The following PTPRB variants were observed in gnomAD, a reference collection of about 807,000 sequenced individuals.
PTPRB encodes receptor-type tyrosine-protein phosphatase beta.
In PTPRB, 97 loss-of-function variants were observed where a neutral mutation model predicts 238.1. The ratio of observed to expected loss-of-function variants is 0.41; its 90% CI spans 0.35 to 0.48. PTPRB has a LOEUF of 0.48. Among genes scored for constraint, PTPRB ranks in the 20% least tolerant of loss-of-function variants. PTPRB has a pLI of 0.30. For missense variants in PTPRB, 2,292 were observed against 2,681.9 expected (o/e 0.85, Z 3.21); for synonymous variants, 970 against 995.4 (o/e 0.97, Z 0.48).
intron 3 of PTPRB, chr12:70,609,854 T>C (rs1433738991): frequency 3.2e-6 from 5 of 1,552,412 alleles, no homozygotes; most frequent in Non-Finnish European, 3.5e-6. Flanking sequence ...CCGAGGGGGC[T>C]GGACGTGGGA....
intron 9 of PTPRB, chr12:70,584,935 T>C (rs1402202973): frequency 6.6e-6 from 1 of 150,596 alleles, no homozygotes; most frequent in Non-Finnish European, 1.5e-5. Context: ...TACAGGACAA[T>C]AGTATATACA....
intron 21 of PTPRB, among the ~76,000 whole-genome samples, chr12:70,548,109 A>T (rs1876296938): frequency 6.6e-6 from 1 of 152,220 alleles, no homozygotes; most frequent in South Asian, 2.1e-4. Flanking sequence ...GGCAGATCAC[A>T]TGAGGCCAAG....
At chr12:70,537,069 G>A (rs1211281690) in intron 28 of PTPRB, among the ~76,000 whole-genome samples, 1 of 152,112 alleles carries the variant, frequency 6.6e-6, no homozygotes, top group African/African-American at 2.4e-5. Context: ...CGGATCATGA[G>A]GTCAGGAGAT....
At position 70,581,312 on chromosome 12, in the gene PTPRB, T is replaced by A. The variant is rs944046079; in HGVS notation, c.2312-10A>T. 2 of 1,587,564 alleles carry A rather than the reference T, an allele frequency of 1.3e-6. No individual in the cohort carries two copies. Among genetic ancestry groups the A allele is most frequent in the South Asian group, 1.1e-5 (1 of 87,458 alleles). On this transcript the variant is annotated splice_polypyrimidine_tract_variant and intron_variant, in intron 9 of 33. Coordinates refer to ENST00000334414, the MANE Select transcript of PTPRB (RefSeq NM_001109754.4). Reference sequence around the variant, plus strand: ...GTCACTTGGGCAGGCACTAAAACAGTAGACAGAAGAAAAAACAAATGACAC... The same window carrying A: ...GTCACTTGGGCAGGCACTAAAACAGAAGACAGAAGAAAAAACAAATGACAC...
At chr12:70,568,968 T>A (rs1879676737) in intron 14 of PTPRB, among the ~76,000 whole-genome samples, 1 of 152,234 alleles carries the variant, frequency 6.6e-6, no homozygotes, top group Admixed American at 6.5e-5. Context: ...GATATATTAT[T>A]CATACATTTG....
intron 4 of PTPRB, among the ~76,000 whole-genome samples, chr12:70,606,680 C>T (rs559520971): frequency 1.0e-3 from 153 of 152,262 alleles, no homozygotes; most frequent in Non-Finnish European, 1.7e-3. Context: ...ATTTATGCAT[C>T]TCATCTCTAT....
At chr12:70,544,499 A>C in intron 22 of PTPRB, 58 bp downstream of exon 22, 53 of 1,206,672 alleles carry the variant, frequency 4.4e-5, no homozygotes, top group Non-Finnish European at 5.4e-5. Flanking sequence ...TCTCCCCATT[A>C]GAGGCTCTTG....
rs1871438370 is a variant in PTPRB at position 70,519,386 on chromosome 12, C to T, written c.*2103G>A. Reference sequence around the variant, plus strand: ...CTGTCCTAGACTGGCTCAGTTATCCCATTCCCTTGATGAGGCTGTCTTTTA... The same window carrying T: ...CTGTCCTAGACTGGCTCAGTTATCCTATTCCCTTGATGAGGCTGTCTTTTA... On this transcript the variant is annotated 3_prime_UTR_variant, in exon 34 of 34. Transcript: ENST00000334414. 1 of 152,178 alleles carries T rather than the reference C, an allele frequency of 6.6e-6. No individual in the cohort carries two copies. Among genetic ancestry groups the T allele is most frequent in the African/African-American group, 2.4e-5 (1 of 41,430 alleles). The allele number at this position is 152,178 out of a possible 1,614,324, so 9.4% of individuals were successfully genotyped here. A position where few individuals can be genotyped will look rare whatever the true frequency, so the allele number is the denominator to read the frequency against.
intron 31 of PTPRB, among the ~76,000 whole-genome samples, chr12:70,533,606 A>ATGT (rs1873636000): frequency 6.6e-6 from 1 of 152,170 alleles, no homozygotes; most frequent in Non-Finnish European, 1.5e-5. Context: ...TGTGGTTTGA[A>ATGT]TGTTTGTGTC....
At chr12:70,532,272 A>C (rs1565905592) in intron 31 of PTPRB, 102 bp from the exon 32 acceptor site, 1 of 1,326,896 alleles carries the variant, frequency 7.5e-7, no homozygotes, top group Non-Finnish European at 1.0e-6. Context: ...CTTCCCAGTT[A>C]TGGGAGAAGA....
chr12:70,601,131 G>T (rs897136029), intron 4 of PTPRB, among the ~76,000 whole-genome samples: 3 of 152,088 alleles, frequency 2.0e-5, no homozygotes, highest in East Asian at 1.9e-4. Flanking sequence ...CTCCCAAAGT[G>T]CTGGGATTAC....
At chr12:70,541,593 C>T (rs975155692) in intron 22 of PTPRB, 4 of 152,296 alleles carry the variant, frequency 2.6e-5, no homozygotes, top group East Asian at 1.9e-4. Context: ...CAAAAGAAAC[C>T]GCGTACCTAT....
rs1333639989 is a variant in PTPRB at position 70,557,179 on chromosome 12, G to GGA, written c.4715-1032_4715-1031insTC. ...TACGTAGAGAAAAACCAGAAACCCA[G>GGA]GTACCAAAGGAGGAGGTGCCGGAGT... On this transcript the variant is annotated intron_variant, in intron 18 of 33. Transcript: ENST00000334414. Among the ~76,000 whole-genome samples, 322 of 152,234 alleles carry GGA rather than the reference G, an allele frequency of 2.1e-3. 1 individual carries two copies. The highest frequency in any genetic ancestry group is 6.7e-3 in the African/African-American group (280 of 41,546).
intron 3 of PTPRB, among the ~76,000 whole-genome samples, chr12:70,618,848 T>A (rs1019864100): frequency 5.9e-5 from 9 of 152,188 alleles, no homozygotes; most frequent in African/African-American, 1.9e-4. Flanking sequence ...ATGATATGTG[T>A]TAATTCATTT....
intron 2 of PTPRB, among the ~76,000 whole-genome samples, chr12:70,633,652 C>G (rs80039434): frequency 0.067 from 10,168 of 152,078 alleles, 502 homozygotes; most frequent in East Asian, 0.15. Context: ...ATTTCTTTCC[C>G]CAACACATAT....
chr12:70,631,079 T>G (rs531625177), intron 2 of PTPRB, among the ~76,000 whole-genome samples: 8 of 152,270 alleles, frequency 5.3e-5, no homozygotes, highest in Admixed American at 1.3e-4. Context: ...AAAAAACTAC[T>G]TTAAAGTTCA....
Position 70,620,523 on chromosome 12 carries a change from T to C in PTPRB, c.708+1867A>G, listed in dbSNP as rs116430676. Among the ~76,000 whole-genome samples, 1,219 of 152,356 alleles carry C rather than the reference T, an allele frequency of 8.0e-3. 9 individuals carry two copies. Among genetic ancestry groups the C allele is most frequent in the African/African-American group, 0.027 (1,137 of 41,576 alleles). ...CTTATTTGACACACTTAATTTTTTT[T>C]CTCTACTGTTACATATATTTAAGCT... On this transcript the variant is annotated intron_variant, in intron 3 of 33. Coordinates refer to ENST00000334414, the MANE Select transcript of PTPRB (RefSeq NM_001109754.4).
Position 70,535,224 on chromosome 12 carries a change from GTTTT to G in PTPRB, c.6082-273_6082-270del, listed in dbSNP as rs71457059. On this transcript the variant is annotated intron_variant, in intron 29 of 33. Transcript: ENST00000334414. ...TTAGGCCCAGTAATATATGGCTTGA[GTTTT>G]TTTTTTTTTTTTTTTTTTTTTTCCC... Among the ~76,000 whole-genome samples the G allele has an allele frequency of 3.3e-3, 273 of 82,014 alleles. 3 individuals are homozygous for G. Among genetic ancestry groups the G allele is most frequent in the African/African-American group, 9.9e-3 (234 of 23,646 alleles). 53.8% of individuals were successfully genotyped at this position (82,014 alleles called of 152,430 possible).
intron 4 of PTPRB, among the ~76,000 whole-genome samples, chr12:70,600,483 A>AT (rs2136501901): frequency 6.6e-6 from 1 of 152,356 alleles, no homozygotes; most frequent in African/African-American, 2.4e-5. Flanking sequence ...AATGATAGGC[A>AT]TATTTATAGA....
Sources: gnomAD v4.1 joint callset for allele counts (sites outside exome capture counted in the v4.1 genomes callset) on GRCh38, gnomAD v4.1.1 for gene constraint, MANE v1.5 for transcripts, NCBI Gene and HGNC (gene_info 2026-07-23, HGNC 2026-07-21) for gene names.